The following PRDM10 variants were observed in gnomAD, a reference collection of about 807,000 sequenced individuals.
The protein encoded by PRDM10 is PR domain zinc finger protein 10.
PRDM10 carries 65 observed loss-of-function variants against 133.1 expected under a neutral mutation model. The ratio of observed to expected loss-of-function variants is 0.49; its 90% confidence interval spans 0.40 to 0.60. PRDM10 has a LOEUF of 0.60. PRDM10 is among the 20% of genes least tolerant of loss of function. PRDM10 has a pLI of 0.00. For missense variants in PRDM10, 1,137 were observed against 1,507.1 expected, an observed-to-expected ratio of 0.75 and a Z score of 4.07; for synonymous variants, 582 against 580.4, an observed-to-expected ratio of 1.00 and a Z score of -0.04.
chr11:129,946,243 C>T (rs1375259525), intron 5 of PRDM10, among the ~76,000 whole-genome samples: 1 of 151,620 alleles, frequency 6.6e-6, no homozygotes, highest in Non-Finnish European at 1.5e-5. Flanking sequence ...GACCAAGACC[C>T]TGTCTCAAAA....
intron 1 of PRDM10, among the ~76,000 whole-genome samples, chr11:129,979,660 A>G (rs1012834776): frequency 1.3e-5 from 2 of 152,194 alleles, no homozygotes; most frequent in Non-Finnish European, 2.9e-5. Context: ...ACAGTCTGGT[A>G]AGCAAAGCTC....
chr11:129,910,996 G>A (rs61913707), intron 18 of PRDM10, among the ~76,000 whole-genome samples: 4,211 of 152,196 alleles, frequency 0.028, 84 homozygotes, highest in South Asian at 0.042. Context: ...GGCTGGTCTC[G>A]AACTCCCGAC....
At chr11:129,962,930 C>T (rs1247071323) in intron 1 of PRDM10, among the ~76,000 whole-genome samples, 2 of 152,128 alleles carry the variant, frequency 1.3e-5, no homozygotes, top group Non-Finnish European at 2.9e-5. Context: ...CGACATATCA[C>T]TTGAGGCCAG....
At chr11:129,971,998 CG>C (rs1952039523) in intron 1 of PRDM10, among the ~76,000 whole-genome samples, 1 of 152,212 alleles carries the variant, frequency 6.6e-6, no homozygotes, top group Admixed American at 6.5e-5. Context: ...AGCTAAGGCC[CG>C]GTGAGAAATC....
intron 1 of PRDM10, among the ~76,000 whole-genome samples, chr11:129,964,601 T>C (rs1428713776): frequency 1.3e-5 from 2 of 152,252 alleles, no homozygotes; most frequent in African/African-American, 4.8e-5. Context: ...TGTAATATCA[T>C]ACCTTTCATA....
chr11:129,916,016 CA>C (rs879878241), intron 15 of PRDM10, among the ~76,000 whole-genome samples, 156 bp from the exon 16 acceptor site: 11 of 152,070 alleles, frequency 7.2e-5, no homozygotes, highest in Non-Finnish European at 1.3e-4. Context: ...TATTGAAGAG[CA>C]AGGATATACT....
intron 4 of PRDM10, among the ~76,000 whole-genome samples, chr11:129,950,737 T>G (rs1355947217): frequency 1.3e-5 from 2 of 152,222 alleles, no homozygotes; most frequent in Non-Finnish European, 2.9e-5. Flanking sequence ...CCAAAGCATA[T>G]GTACACCTCT....
intron 1 of PRDM10, 106 bp downstream of exon 1, chr11:130,002,616 T>C (rs2136025448): frequency 6.6e-6 from 1 of 152,042 alleles, no homozygotes; most frequent in Admixed American, 6.6e-5. Flanking sequence ...CGGAAAGAGC[T>C]GGGCGCCATT....
rs1428971783 is a variant in PRDM10 at position 129,948,078 on chromosome 11, T to C, written c.295-708A>G. The C allele has an allele frequency of 6.6e-6, 3 of 456,708 alleles. No individual in the cohort carries two copies. In the Admixed American group the frequency reaches 7.0e-5, roughly 11 times the overall value. The allele number at this position is 456,708 out of a possible 1,614,324, so 28.3% of individuals were successfully genotyped here. A position where few individuals can be genotyped will look rare whatever the true frequency, so the allele number is the denominator to read the frequency against. On this transcript the variant is annotated intron_variant, in intron 4 of 20. Transcript: ENST00000360871. ...GTAAGAATGAAAGAGATGAGGTGCCTGTTTGTTTCATCATGCTGAAGTCAG... is the reference window on the plus strand; with the variant it reads ...GTAAGAATGAAAGAGATGAGGTGCCCGTTTGTTTCATCATGCTGAAGTCAG...
At chr11:129,976,542 AG>A (rs1473411402) in intron 1 of PRDM10, among the ~76,000 whole-genome samples, 1 of 152,230 alleles carries the variant, frequency 6.6e-6, no homozygotes, top group Non-Finnish European at 1.5e-5. Context: ...AAGAAATGAC[AG>A]CACAGAACAA....
intron 13 of PRDM10, among the ~76,000 whole-genome samples, chr11:129,919,743 C>A (rs1264877084): frequency 6.6e-6 from 1 of 152,192 alleles, no homozygotes; most frequent in Non-Finnish European, 1.5e-5. Context: ...GTTCTTCCCA[C>A]CTTTCAGCAC....
At chr11:129,910,133 A>T (rs943353564) in intron 19 of PRDM10, among the ~76,000 whole-genome samples, 4 of 152,244 alleles carry the variant, frequency 2.6e-5, no homozygotes, top group African/African-American at 9.6e-5. Context: ...ATCTTGGCAT[A>T]GCCAGTGTCT....
Position 129,944,823 on chromosome 11 carries a change from T to G in PRDM10, c.710A>C (p.Glu237Ala). 6.2e-7 allele frequency: 1 copy of G among 1,614,026 alleles called. No homozygotes were observed. Among genetic ancestry groups the G allele is most frequent in the Non-Finnish European group, 8.5e-7 (1 of 1,179,960 alleles). The change falls in exon 6 of 21, where the codon GAG (glutamate) becomes GCG (alanine). Residue 237 changes from glutamate to alanine, a missense_variant. Transcript: ENST00000360871. ...CTCCGAGCCCCTGACGAGAGGCCCC[T>G]CCACGGGGCCAAACTGGGTGCGCTT... is the stretch of plus-strand genomic sequence containing the variant. ...IPKRTQFGPV[E>A]GPLVRGSELK...
At chr11:130,001,543 C>G (rs995919102) in intron 1 of PRDM10, among the ~76,000 whole-genome samples, 5 of 152,152 alleles carry the variant, frequency 3.3e-5, no homozygotes, top group Admixed American at 1.3e-4. Flanking sequence ...TCCTCGATGA[C>G]AGCACAAAGC....
intron 1 of PRDM10, among the ~76,000 whole-genome samples, chr11:129,977,255 T>TACAC (rs71057991): frequency 0.043 from 5,734 of 132,376 alleles, 147 homozygotes; most frequent in African/African-American, 0.068. Flanking sequence ...ATGACTAAAA[T>TACAC]ACACACACAC....
At chr11:129,966,528 C>G (rs987356549) in intron 1 of PRDM10, among the ~76,000 whole-genome samples, 1 of 152,120 alleles carries the variant, frequency 6.6e-6, no homozygotes, top group Non-Finnish European at 1.5e-5. Flanking sequence ...CTTTAAATGT[C>G]TTCAAAAAGA....
rs191292842 is a variant in PRDM10, at chr11:129,924,453, A to G, written c.1878+429T>C. On this transcript the variant is annotated intron_variant, in intron 12 of 20. Coordinates refer to ENST00000360871, the MANE Select transcript of PRDM10 (RefSeq NM_199437.2). Reference sequence around the variant, plus strand: ...TTCCTGATACAAAAGTATATTATATACCAACTTTCTCTTTGTTTCCTTCCA... The same window carrying G: ...TTCCTGATACAAAAGTATATTATATGCCAACTTTCTCTTTGTTTCCTTCCA... Among the ~76,000 whole-genome samples, 6 of 152,310 alleles carry G rather than the reference A, an allele frequency of 3.9e-5. No homozygotes were observed. The East Asian group carries it at 1.2e-3, about 29-fold the overall frequency.
intron 1 of PRDM10, among the ~76,000 whole-genome samples, chr11:129,998,990 CTTT>C (rs1385305441): frequency 6.6e-6 from 1 of 151,790 alleles, no homozygotes; most frequent in African/African-American, 2.4e-5. Context: ...ACCTGGCTAA[CTTT>C]TTTGTTTTTA....
chr11:129,969,564 T>A (rs1378971940), intron 1 of PRDM10, among the ~76,000 whole-genome samples: 5 of 149,976 alleles, frequency 3.3e-5, no homozygotes, highest in African/African-American at 1.2e-4. Context: ...GAGGCCAAGG[T>A]GGGCGGATCA....
Sources: allele counts gnomAD v4.1 joint callset (sites outside exome capture counted in the v4.1 genomes callset), GRCh38; gene constraint gnomAD v4.1.1; transcripts MANE v1.5; gene names NCBI Gene and HGNC (gene_info 2026-07-23, HGNC 2026-07-21).